CSPP1: variants seen among roughly 807,000 people sequenced by gnomAD.
CSPP1 encodes the protein centrosome and spindle pole-associated protein 1.
Under a neutral mutation model 164.4 loss-of-function variants are expected in CSPP1, and 126 were observed. The ratio of observed to expected loss-of-function variants is 0.77; its 90% CI spans 0.66 to 0.89. The LOEUF is 0.89. Among genes scored for constraint, CSPP1 ranks in the 40% least tolerant of loss-of-function variants. The pLI is 0.00. For synonymous variants in CSPP1, 472 were observed against 476.7 expected (o/e 0.99, Z 0.13); for missense variants, 1,395 against 1,449.8 (o/e 0.96, Z 0.61).
At position 67,072,121 on chromosome 8, in the gene CSPP1, G is replaced by A. The variant is rs191887213; in HGVS notation, c.-10-2122G>A. On this transcript the variant is annotated intron_variant, in intron 1 of 30. Transcript: ENST00000678616. ...ATCCTGGCTAACACGGTGAAATCCC[G>A]TCTCTACAAAAAATACAAAAAATTA... Among the ~76,000 whole-genome samples, 7 of 152,060 alleles carry A rather than the reference G, an allele frequency of 4.6e-5. No homozygotes were observed. In the East Asian group the frequency reaches 5.8e-4, roughly 13 times the overall value.
chr8:67,186,914 C>G (rs970975734), intron 28 of CSPP1, among the ~76,000 whole-genome samples: 5 of 152,100 alleles, frequency 3.3e-5, no homozygotes, highest in African/African-American at 1.2e-4. Context: ...ATTAAAAACA[C>G]AATACCACTT....
chr8:67,064,627 C>T, intron 1 of CSPP1, 89 bp downstream of exon 1: 1 of 1,014,326 alleles, frequency 9.9e-7, no homozygotes, highest in African/African-American at 2.1e-5. Context: ...GTGGCTCCCT[C>T]GGGGCGTAGG....
At chr8:67,181,446 T>A (rs1228791769) in intron 28 of CSPP1, among the ~76,000 whole-genome samples, 1 of 151,304 alleles carries the variant, frequency 6.6e-6, no homozygotes, top group Non-Finnish European at 1.5e-5. Flanking sequence ...GAAGATTGCT[T>A]GTCAGGGAAA....
At chr8:67,167,242 C>T (rs2129564022) in intron 24 of CSPP1, among the ~76,000 whole-genome samples, 1 of 152,368 alleles carries the variant, frequency 6.6e-6, no homozygotes, top group African/African-American at 2.4e-5. Context: ...GTTGGGTACA[C>T]CTCCCAGACG....
intron 30 of CSPP1, 93 bp from the exon 31 acceptor site, chr8:67,195,289 G>T (rs1837682576): frequency 1.2e-6 from 1 of 805,208 alleles, no homozygotes; most frequent in African/African-American, 1.7e-5. Flanking sequence ...GGGAAATGCT[G>T]AGTTGTAATG....
At chr8:67,126,830 A>C (rs1270175365) in intron 15 of CSPP1, among the ~76,000 whole-genome samples, 1 of 152,048 alleles carries the variant, frequency 6.6e-6, no homozygotes, top group East Asian at 1.9e-4. Flanking sequence ...TTAGATAGCT[A>C]TGATGTTAAG....
chr8:67,064,383 G>T, upstream of CSPP1: 1 of 1,611,496 alleles, frequency 6.2e-7, no homozygotes, highest in African/African-American at 1.3e-5. Context: ...GCGGAGCCCC[G>T]GCCCGGAGGT....
At chr8:67,087,271 A>G (rs1810604153) in intron 4 of CSPP1, among the ~76,000 whole-genome samples, 1 of 152,202 alleles carries the variant, frequency 6.6e-6, no homozygotes, top group Admixed American at 6.5e-5. Context: ...ACCAAAATCT[A>G]TAGATTGCAT....
At chr8:67,133,723 T>C (rs1468804662) in intron 16 of CSPP1, 1 of 152,260 alleles carries the variant, frequency 6.6e-6, no homozygotes, top group Non-Finnish European at 1.5e-5. Context: ...GATACGATGC[T>C]GTTTGATACC....
At chr8:67,164,539 C>T in intron 24 of CSPP1, 31 bp downstream of exon 24, 4 of 1,030,222 alleles carry the variant, frequency 3.9e-6, no homozygotes, top group Non-Finnish European at 6.1e-6. Context: ...TTTGTGTTCG[C>T]TTGAGTTCTT....
chr8:67,124,023 C>A (rs1819563047), intron 15 of CSPP1, among the ~76,000 whole-genome samples: 1 of 149,564 alleles, frequency 6.7e-6, no homozygotes, highest in South Asian at 2.1e-4. Flanking sequence ...CCTCAGCCTC[C>A]CGAGTAGCTG....
Position 67,154,086 on chromosome 8 carries a change from G to A in CSPP1, c.2191G>A (p.Glu731Lys). Residue 731 changes from glutamate (E) to lysine (K), a missense_variant, in exon 19 of 31, where the codon GAA (glutamate) becomes AAA (lysine). Glu to Lys is a moderately conservative substitution (Grantham distance 56). Coordinates refer to ENST00000678616, the MANE Select transcript of CSPP1 (RefSeq NM_001382391.1). ...AAATGTATTTGGTGAGCCTCCAACT[G>A]AACTTCAGATTAAACAGCAAGAATT... ...RGNVFGEPPTELQIKQQELYK... is the reference protein window; with the variant it reads ...RGNVFGEPPTKLQIKQQELYK... 6.2e-7 allele frequency: 1 copy of A among 1,603,838 alleles called. No individual in the cohort carries two copies. Among genetic ancestry groups the A allele is most frequent in the Non-Finnish European group, 8.5e-7 (1 of 1,171,586 alleles).
At chr8:67,177,373 T>C (rs1414363854) in intron 26 of CSPP1, among the ~76,000 whole-genome samples, 1 of 152,176 alleles carries the variant, frequency 6.6e-6, no homozygotes, top group Non-Finnish European at 1.5e-5. Context: ...TTTCTACAGA[T>C]TGTAGAAATC....
intron 5 of CSPP1, among the ~76,000 whole-genome samples, chr8:67,092,257 G>A (rs921883097): frequency 6.6e-6 from 1 of 152,100 alleles, no homozygotes; most frequent in Non-Finnish European, 1.5e-5. Flanking sequence ...TAGGGTGAGG[G>A]TAAGGGTTCT....
intron 7 of CSPP1, 74 bp from the exon 8 acceptor site, chr8:67,102,963 T>C (rs1334370277): frequency 1.2e-6 from 1 of 809,772 alleles, no homozygotes; most frequent in Non-Finnish European, 2.1e-6. Flanking sequence ...CAACATCAAA[T>C]GTAAAAACAC....
Position 67,132,020 on chromosome 8 carries a change from A to C in CSPP1, c.1767A>C (p.Glu589Asp), listed in dbSNP as rs1285420815. The C allele has an allele frequency of 6.2e-7, 1 of 1,613,926 alleles. No homozygotes were observed. The highest frequency in any genetic ancestry group is 1.1e-5 in the South Asian group (1 of 91,020). ...DQVINSGLIF[E>D]DKPKPSKQSL... ...TGATAAATTCAGGATTGATTTTTGA[A>C]GATAAACCGAAACCTTCCAAACAGT... The change falls in exon 16 of 31, where the codon GAA (glutamate) becomes GAC (aspartate). Residue 589 changes from glutamate to aspartate, a missense_variant. Glu to Asp is a conservative substitution (Grantham distance 45, BLOSUM62 2). Coordinates refer to ENST00000678616, the MANE Select transcript of CSPP1 (RefSeq NM_001382391.1).
intron 15 of CSPP1, among the ~76,000 whole-genome samples, chr8:67,130,609 G>T (rs1412059652): frequency 6.6e-6 from 1 of 152,162 alleles, no homozygotes; most frequent in Non-Finnish European, 1.5e-5. Flanking sequence ...ATAAAAGATT[G>T]TAAATAAGTT....
intron 24 of CSPP1, among the ~76,000 whole-genome samples, chr8:67,165,196 ATG>A (rs1026645460): frequency 6.6e-6 from 1 of 152,156 alleles, no homozygotes; most frequent in Admixed American, 6.5e-5. Context: ...AGGCAGGAGA[ATG>A]GCGTGAACCC....
chr8:67,108,940 T>C (rs1816243544), intron 9 of CSPP1, among the ~76,000 whole-genome samples: 1 of 152,244 alleles, frequency 6.6e-6, no homozygotes, highest in South Asian at 2.1e-4. Flanking sequence ...TTTGAAAGTC[T>C]GGAATGTGGG....
Sources: gnomAD v4.1 joint callset for allele counts (sites outside exome capture counted in the v4.1 genomes callset) on GRCh38, gnomAD v4.1.1 for gene constraint, MANE v1.5 for transcripts, NCBI Gene and HGNC (gene_info 2026-07-23, HGNC 2026-07-21) for gene names.